Variants in CXADR observed in about 807,000 individuals in gnomAD.
The protein encoded by CXADR is CXADR cell adhesion molecule, also known as coxsackievirus and adenovirus receptor.
A neutral mutation model predicts 40.3 loss-of-function variants in CXADR; 20 were observed. That is an observed-to-expected ratio of 0.50 (90% CI 0.35 to 0.72). The LOEUF is 0.72. Among genes scored for constraint, CXADR ranks in the 30% least tolerant of loss-of-function variants. The probability of loss-of-function intolerance (pLI) is 0.01; values close to 1 mark genes in which losing one functional copy is unlikely to be tolerated. For missense variants in CXADR, 332 were observed against 449.1 expected (o/e 0.74, Z 2.36); for synonymous variants, 150 against 161.3 (o/e 0.93, Z 0.53).
downstream of CXADR, chr21:17,570,127 G>A (rs147294853): frequency 4.3e-4 from 422 of 985,354 alleles, 2 homozygotes; most frequent in African/African-American, 6.8e-3. Flanking sequence ...TGGCTTTATT[G>A]TGCCTTTTAT....
the CXADR span, among the ~76,000 whole-genome samples, chr21:17,617,244 T>A: frequency 6.6e-6 from 1 of 152,166 alleles, no homozygotes; most frequent in African/African-American, 2.4e-5. Flanking sequence ...TAGGTAGAAC[T>A]TCATATTGGA....
the CXADR span, chr21:17,608,944 C>A: frequency 6.3e-7 from 1 of 1,598,702 alleles, no homozygotes; most frequent in Non-Finnish European, 8.5e-7. Context: ...GTTGATCAGC[C>A]TCTGCTTAAT....
At chr21:17,521,300 G>A (rs530516788) in intron 1 of CXADR, among the ~76,000 whole-genome samples, 1 of 152,222 alleles carries the variant, frequency 6.6e-6, no homozygotes, top group East Asian at 1.9e-4. Flanking sequence ...CTCTGCAGAG[G>A]TGAGAGTGAA....
At chr21:17,617,930 A>G in the CXADR span, among the ~76,000 whole-genome samples, 279 of 152,380 alleles carry the variant, frequency 1.8e-3, 3 homozygotes, top group African/African-American at 6.5e-3. Context: ...AACTTCTTTC[A>G]AAATGCAAGT....
chr21:17,557,135 A>AAAAAG (rs2061046451), intron 3 of CXADR, among the ~76,000 whole-genome samples: 1 of 152,234 alleles, frequency 6.6e-6, no homozygotes, highest in Non-Finnish European at 1.5e-5. Context: ...GCTTAAACTA[A>AAAAAG]AAAAGAAAAA....
At chr21:17,610,973 G>GA in the CXADR span, among the ~76,000 whole-genome samples, 1 of 152,128 alleles carries the variant, frequency 6.6e-6, no homozygotes, top group Non-Finnish European at 1.5e-5. Flanking sequence ...ATAGCCTGAT[G>GA]GAGGGGAAGG....
chr21:17,555,884 A>G (rs982395759), intron 3 of CXADR, among the ~76,000 whole-genome samples: 2 of 152,230 alleles, frequency 1.3e-5, no homozygotes, highest in African/African-American at 4.8e-5. Context: ...CCAATAAGAA[A>G]TTATATTTCT....
intron 1 of CXADR, among the ~76,000 whole-genome samples, chr21:17,540,243 A>G (rs1172206454): frequency 6.6e-6 from 1 of 152,064 alleles, no homozygotes; most frequent in Non-Finnish European, 1.5e-5. Flanking sequence ...TACCTCTAAT[A>G]CAGTCACATA....
chr21:17,587,774 C>T (rs1196128528), intron 7 of CXADR, among the ~76,000 whole-genome samples: 2 of 151,966 alleles, frequency 1.3e-5, no homozygotes, highest in Non-Finnish European at 2.9e-5. Flanking sequence ...GCTTTTGTTG[C>T]CATTGCTTTT....
At chr21:17,592,632 T>C (rs1350495600) in intron 7 of CXADR, among the ~76,000 whole-genome samples, 1 of 151,908 alleles carries the variant, frequency 6.6e-6, no homozygotes, top group Non-Finnish European at 1.5e-5. Flanking sequence ...AAAGTAATTT[T>C]TTTTTCCTTT....
chr21:17,587,273 C>G (rs1220879688), intron 7 of CXADR, among the ~76,000 whole-genome samples: 1 of 152,128 alleles, frequency 6.6e-6, no homozygotes, highest in Non-Finnish European at 1.5e-5. Context: ...ATGGCTGGGT[C>G]AAATGGTATT....
chr21:17,618,931 C>T, the CXADR span, among the ~76,000 whole-genome samples: 1 of 152,168 alleles, frequency 6.6e-6, no homozygotes, highest in African/African-American at 2.4e-5. Flanking sequence ...CATGAAACAA[C>T]ACTAATCTCC....
chr21:17,539,726 G>A (rs1450340074), intron 1 of CXADR, among the ~76,000 whole-genome samples: 2 of 151,984 alleles, frequency 1.3e-5, no homozygotes, highest in Non-Finnish European at 2.9e-5. Flanking sequence ...TTTCTCCTGA[G>A]AGGGACCATC....
At chr21:17,539,755 CTT>C (rs1277203390) in intron 1 of CXADR, among the ~76,000 whole-genome samples, 1 of 152,136 alleles carries the variant, frequency 6.6e-6, no homozygotes, top group African/African-American at 2.4e-5. Context: ...TCCCTCGTGT[CTT>C]TATTGGCTAA....
intron 1 of CXADR, among the ~76,000 whole-genome samples, chr21:17,533,030 A>G (rs1008736454): frequency 1.3e-5 from 2 of 152,218 alleles, no homozygotes; most frequent in Non-Finnish European, 2.9e-5. Context: ...AGATGTGGAT[A>G]CAGGGGAGGA....
chr21:17,586,156 C>G (rs1039884479), intron 7 of CXADR, among the ~76,000 whole-genome samples: 1 of 151,910 alleles, frequency 6.6e-6, no homozygotes, highest in Non-Finnish European at 1.5e-5. Flanking sequence ...CATTAGTGTG[C>G]CATTGTCTTA....
downstream of CXADR, among the ~76,000 whole-genome samples, chr21:17,596,243 C>T (rs2061502580): frequency 6.6e-6 from 1 of 151,906 alleles, no homozygotes; most frequent in Non-Finnish European, 1.5e-5. Context: ...ATGGTTTGCC[C>T]ATTTTCTTAA....
rs116349484 is a variant in CXADR, at chr21:17,578,815, C to A, written c.1017+13204C>A. On this transcript the variant is annotated intron_variant, in intron 7 of 7. Coordinates refer to the CXADR transcript ENST00000400169. The stretch of plus-strand genomic sequence containing the variant: ...CCAGCCTGGGTGACAGAGCAAAAGA[C>A]CTTGTCTTCAAAAAAATTAAGAAAT... Among the ~76,000 whole-genome samples, 1,123 of 152,262 alleles carry A rather than the reference C, an allele frequency of 7.4e-3. 11 individuals carry two copies. Among genetic ancestry groups the A allele is most frequent in the African/African-American group, 0.025 (1,055 of 41,540 alleles).
intron 3 of CXADR, among the ~76,000 whole-genome samples, chr21:17,556,215 G>T (rs1274737986): frequency 6.6e-6 from 1 of 152,182 alleles, no homozygotes; most frequent in Non-Finnish European, 1.5e-5. Flanking sequence ...GTTTTCTTCT[G>T]TTCCAGCAGA....
Sources: gnomAD v4.1 joint callset for allele counts (sites outside exome capture counted in the v4.1 genomes callset) on GRCh38, gnomAD v4.1.1 for gene constraint, MANE v1.5 for transcripts, NCBI Gene and HGNC (gene_info 2026-07-23, HGNC 2026-07-21) for gene names.